Variants in CPA4 observed in about 807,000 individuals in gnomAD.
CPA4 encodes the protein carboxypeptidase A4.
A neutral mutation model predicts 54.7 loss-of-function variants in CPA4; 49 were observed. The observed-to-expected ratio is 0.90, with a 90% CI of 0.71 to 1.14. CPA4 has a LOEUF of 1.14. Ranked by LOEUF, CPA4 falls within the 50% of genes most tolerant of loss-of-function variation. The pLI is 0.00. For missense variants in CPA4, 487 were observed against 525.1 expected, an observed-to-expected ratio of 0.93 and a Z score of 0.71; for synonymous variants, 215 against 206.8, an observed-to-expected ratio of 1.04 and a Z score of -0.34.
At chr7:130,309,195 A>C (rs1793874793) in intron 8 of CPA4, among the ~76,000 whole-genome samples, 1 of 152,214 alleles carries the variant, frequency 6.6e-6, no homozygotes, top group African/African-American at 2.4e-5. Context: ...AGGGAATGAT[A>C]GTGATGTCTG....
intron 10 of CPA4, among the ~76,000 whole-genome samples, chr7:130,322,068 G>T (rs1236835836): frequency 6.6e-6 from 1 of 152,182 alleles, no homozygotes. Context: ...AAGTCAGACA[G>T]CTTCATTTCT....
intron 3 of CPA4, 106 bp downstream of exon 3, chr7:130,299,510 T>A: frequency 9.5e-7 from 1 of 1,056,612 alleles, no homozygotes; most frequent in South Asian, 1.5e-5. Flanking sequence ...TTTTCTATTT[T>A]ATAGACCAGG....
intron 10 of CPA4, among the ~76,000 whole-genome samples, chr7:130,312,564 T>C (rs928706820): frequency 3.3e-5 from 5 of 152,180 alleles, no homozygotes; most frequent in African/African-American, 1.2e-4. Flanking sequence ...GGCAGGTCTT[T>C]CCTGTGCTGT....
chr7:130,298,936 C>T, intron 2 of CPA4, 109 bp downstream of exon 2: 2 of 707,542 alleles, frequency 2.8e-6, no homozygotes, highest in Non-Finnish European at 4.9e-6. Flanking sequence ...TGAATATAAT[C>T]CTGTGGGAGT....
chr7:130,310,997 G>A lies in CPA4; in HGVS notation c.993+11G>A, dbSNP rs781273609. 2 of 1,611,958 alleles carry A rather than the reference G, an allele frequency of 1.2e-6. No homozygotes were observed. The highest frequency in any genetic ancestry group is 1.7e-6 in the Non-Finnish European group (2 of 1,179,006). On this transcript the variant is annotated intron_variant, in intron 9 of 10. Transcript: ENST00000222482. The surrounding 1 kb of genome is among the most constrained non-coding windows in gnomAD (Gnocchi z 4.3). Reference sequence around the variant, plus strand: ...GATGCCGAGGAACTCGTGAGTCACAGCTGCCTCCCACCCAGCCTGGGGCCC... The same window carrying A: ...GATGCCGAGGAACTCGTGAGTCACAACTGCCTCCCACCCAGCCTGGGGCCC...
intron 7 of CPA4, among the ~76,000 whole-genome samples, chr7:130,307,869 C>G (rs1793849530): frequency 6.6e-6 from 1 of 152,130 alleles, no homozygotes; most frequent in Non-Finnish European, 1.5e-5. Context: ...TAGTTTGTTC[C>G]TTTATCCCCT....
chr7:130,303,965 A>G (rs952497066), intron 4 of CPA4, among the ~76,000 whole-genome samples: 2 of 151,692 alleles, frequency 1.3e-5, no homozygotes, highest in African/African-American at 4.8e-5. Context: ...TTTTATTATT[A>G]CTATTCTTAA....
chr7:130,294,301 T>C (rs903342099), intron 1 of CPA4, among the ~76,000 whole-genome samples: 2 of 152,256 alleles, frequency 1.3e-5, no homozygotes, highest in African/African-American at 4.8e-5. Flanking sequence ...CTTAGTTTTC[T>C]TTCTATTTTA....
In CPA4 at chr7:130,322,711, C is replaced by A. The variant is rs1270628174; in HGVS notation, c.*35C>A. On this transcript the variant is annotated 3_prime_UTR_variant, in exon 11 of 11. Coordinates refer to ENST00000222482, the MANE Select transcript of CPA4 (RefSeq NM_016352.4). The stretch of plus-strand genomic sequence containing the variant: ...CTGCTCTGTCTACATTTATTTGTAC[C>A]CACACGTGCACGCACTGAGGCCATT... 2 of 1,589,160 alleles carry A rather than the reference C, an allele frequency of 1.3e-6. No homozygotes were observed. Among genetic ancestry groups the A allele is most frequent in the Non-Finnish European group, 1.7e-6 (2 of 1,165,714 alleles).
chr7:130,300,761 A>T (rs1460160349), intron 3 of CPA4, 55 bp from the exon 4 acceptor site: 1 of 1,286,192 alleles, frequency 7.8e-7, no homozygotes, highest in African/African-American at 1.5e-5. Context: ...TGGCAGAAAA[A>T]ACATAAACCT....
chr7:130,304,635 C>T (rs1409828733), intron 5 of CPA4, 56 bp downstream of exon 5: 5 of 1,033,508 alleles, frequency 4.8e-6, no homozygotes, highest in Non-Finnish European at 7.7e-6. Context: ...AGGACCCAGC[C>T]TCAGACCTCT....
intron 10 of CPA4, among the ~76,000 whole-genome samples, chr7:130,316,997 A>G (rs1268224522): frequency 6.6e-6 from 1 of 151,960 alleles, no homozygotes; most frequent in Non-Finnish European, 1.5e-5. Context: ...TTGAAAGAGT[A>G]TTGAATATAG....
intron 1 of CPA4, among the ~76,000 whole-genome samples, chr7:130,293,912 C>T (rs1199090685): frequency 2.6e-5 from 4 of 151,940 alleles, no homozygotes; most frequent in South Asian, 2.1e-4. Flanking sequence ...CACACACACA[C>T]GTGCTCAACA....
chr7:130,309,242 T>C (rs10239213), intron 8 of CPA4, among the ~76,000 whole-genome samples: 10,506 of 152,268 alleles, frequency 0.069, 788 homozygotes, highest in African/African-American at 0.19. Flanking sequence ...GCATCTTACA[T>C]TGAGATTGCC....
Position 130,313,780 on chromosome 7 carries a change from C to T in CPA4, c.1078+1658C>T, listed in dbSNP as rs115137587. Among the ~76,000 whole-genome samples the T allele has an allele frequency of 9.8e-3, 1,491 of 152,232 alleles. 21 individuals carry two copies. Among genetic ancestry groups the T allele is most frequent in the African/African-American group, 0.034 (1,415 of 41,514 alleles). On this transcript the variant is annotated intron_variant, in intron 10 of 10. Coordinates refer to ENST00000222482, the MANE Select transcript of CPA4 (RefSeq NM_016352.4). ...AGAAAGATAAACTAGGACACAGGTT[C>T]CAGTTTAGTTGGTGCGGAGACAAAG...
At chr7:130,314,086 A>G (rs1793954032) in intron 10 of CPA4, among the ~76,000 whole-genome samples, 1 of 152,218 alleles carries the variant, frequency 6.6e-6, no homozygotes, top group Non-Finnish European at 1.5e-5. Context: ...GCATTGGTTG[A>G]GGGAGAGGCT....
At chr7:130,312,468 T>C (rs1214446208) in intron 10 of CPA4, among the ~76,000 whole-genome samples, 1 of 152,060 alleles carries the variant, frequency 6.6e-6, no homozygotes, top group Non-Finnish European at 1.5e-5. Flanking sequence ...CCATCTGATA[T>C]GGTTTGGCTG....
At chr7:130,320,049 ATATCACTT>A (rs1455054966) in intron 10 of CPA4, among the ~76,000 whole-genome samples, 1 of 152,100 alleles carries the variant, frequency 6.6e-6, no homozygotes, top group African/African-American at 2.4e-5. Context: ...AGCCTTTGGG[ATATCACTT>A]TCTGAGCCCC....
chr7:130,311,039 G>T, intron 9 of CPA4, 53 bp downstream of exon 9: 1 of 1,442,432 alleles, frequency 6.9e-7, no homozygotes. Flanking sequence ...CCCTCCTGGC[G>T]CTGCTAAGGT....
Sources: allele counts gnomAD v4.1 joint callset (sites outside exome capture counted in the v4.1 genomes callset), GRCh38; gene constraint gnomAD v4.1.1; non-coding constraint Gnocchi (gnomAD v3.1); transcripts MANE v1.5; gene names NCBI Gene and HGNC (gene_info 2026-07-23, HGNC 2026-07-21).